The following ST18 variants were observed in gnomAD, a reference collection of about 807,000 sequenced individuals.
The protein encoded by ST18 is ST18 C2H2C-type zinc finger transcription factor, also known as suppression of tumorigenicity 18 protein.
In ST18, 50 loss-of-function variants were observed where a neutral mutation model predicts 110.0. The observed-to-expected ratio is 0.45, with a 90% confidence interval of 0.36 to 0.58. The LOEUF (loss-of-function observed/expected upper bound fraction) is 0.58. Among genes scored for constraint, ST18 ranks in the 20% least tolerant of loss-of-function variants. The pLI, the probability that ST18 is intolerant of heterozygous loss-of-function variation, is 0.00. For synonymous variants in ST18, 461 were observed against 452.4 expected (o/e 1.02, Z -0.24); for missense variants, 1,306 against 1,280.1 (o/e 1.02, Z -0.31).
chr8:52,298,448 C>G (rs1159835267), intron 2 of ST18, among the ~76,000 whole-genome samples: 1 of 152,156 alleles, frequency 6.6e-6, no homozygotes, highest in East Asian at 1.9e-4. Flanking sequence ...CAATTAGCAT[C>G]AACCTAATTA....
chr8:52,324,511 G>A (rs1805424346), intron 2 of ST18, among the ~76,000 whole-genome samples: 1 of 152,116 alleles, frequency 6.6e-6, no homozygotes, highest in African/African-American at 2.4e-5. Context: ...AAAAAGACAA[G>A]GCTCTCCAGG....
intron 2 of ST18, among the ~76,000 whole-genome samples, chr8:52,238,270 T>A (rs1336197094): frequency 6.6e-6 from 1 of 152,050 alleles, no homozygotes; most frequent in African/African-American, 2.4e-5. Context: ...CAAATATTCG[T>A]AACAGCATTA....
chr8:52,202,248 C>T (rs1274592797), intron 8 of ST18, among the ~76,000 whole-genome samples: 2 of 152,156 alleles, frequency 1.3e-5, no homozygotes, highest in Non-Finnish European at 2.9e-5. Context: ...ATGCCTTTAT[C>T]ATGCATTACA....
In ST18 at chr8:52,268,510, T is replaced by TCTATCTAA. The variant is rs1554799006; in HGVS notation, c.-464-38434_-464-38433insTTAGATAG. Reference sequence around the variant, plus strand: ...ATCTATCTATCTATCTATCTATCTATTTATCTATCTATCTTACTATCTATC... The same window carrying TCTATCTAA: ...ATCTATCTATCTATCTATCTATCTATCTATCTAATTATCTATCTATCTTACTATCTATC... On this transcript the variant is annotated intron_variant, in intron 2 of 25. Coordinates refer to ENST00000689386, the MANE Select transcript of ST18 (RefSeq NM_001352837.2). Among the ~76,000 whole-genome samples, 19 of 106,460 alleles carry TCTATCTAA rather than the reference T, an allele frequency of 1.8e-4. No individual in the cohort carries two copies. In the East Asian group the frequency reaches 4.7e-3, roughly 26 times the overall value. 69.8% of individuals were successfully genotyped at this position (106,460 alleles called of 152,430 possible). A position where few individuals can be genotyped will look rare whatever the true frequency, so the allele number is the denominator to read the frequency against.
chr8:52,126,327 G>T (rs2361171), intron 22 of ST18, among the ~76,000 whole-genome samples, 187 bp from the exon 23 acceptor site: 44,357 of 152,136 alleles, frequency 0.29, 9,180 homozygotes, highest in African/African-American at 0.59. Context: ...CTCAAATAAT[G>T]TAAAATGTTT....
intron 2 of ST18, among the ~76,000 whole-genome samples, chr8:52,251,188 T>G (rs2094286209): frequency 6.6e-6 from 1 of 152,108 alleles, no homozygotes; most frequent in Admixed American, 6.6e-5. Context: ...GAAAATAAAA[T>G]AAGTGTTTTT....
chr8:52,144,256 A>T (rs1284643969), intron 16 of ST18, among the ~76,000 whole-genome samples: 2 of 151,438 alleles, frequency 1.3e-5, no homozygotes, highest in South Asian at 2.1e-4. Flanking sequence ...ATGAACTAAT[A>T]AAAAAAACTG....
chr8:52,144,412 A>G (rs1287296432), intron 16 of ST18, among the ~76,000 whole-genome samples: 1 of 152,130 alleles, frequency 6.6e-6, no homozygotes, highest in Non-Finnish European at 1.5e-5. Flanking sequence ...CAAAAGCAAT[A>G]TGAAAAAAAC....
At position 52,315,632 on chromosome 8, in the gene ST18, T is replaced by A. The variant is rs531803426; in HGVS notation, c.-464-85555A>T. Among the ~76,000 whole-genome samples the A allele has an allele frequency of 2.0e-4, 31 of 152,304 alleles. No homozygotes were observed. In the South Asian group the frequency reaches 6.4e-3, roughly 32 times the overall value. ...CATTAGAGGAGGAAGCTTCTAACCT[T>A]TTACCTCCTTTGTTCCTGATACCAA... On this transcript the variant is annotated intron_variant, in intron 2 of 25. Transcript: ENST00000689386.
At chr8:52,215,650 C>A (rs1410126274) in intron 6 of ST18, among the ~76,000 whole-genome samples, 1 of 152,212 alleles carries the variant, frequency 6.6e-6, no homozygotes, top group African/African-American at 2.4e-5. Context: ...ATAAAATGGT[C>A]CATTGTTATG....
At chr8:52,120,573 C>A (rs1202129698) in intron 23 of ST18, among the ~76,000 whole-genome samples, 1 of 152,036 alleles carries the variant, frequency 6.6e-6, no homozygotes, top group Non-Finnish European at 1.5e-5. Context: ...AGCCCAGAGC[C>A]CAGGCTGGGA....
At chr8:52,338,347 C>T (rs535999446) in intron 2 of ST18, among the ~76,000 whole-genome samples, 5 of 152,204 alleles carry the variant, frequency 3.3e-5, no homozygotes, top group South Asian at 2.1e-4. Context: ...CATGAGCCAC[C>T]GTGCCCGGCC....
chr8:52,141,274 A>C (rs548328217), intron 17 of ST18, among the ~76,000 whole-genome samples: 138 of 152,328 alleles, frequency 9.1e-4, no homozygotes, highest in African/African-American at 3.0e-3. Flanking sequence ...TACTATGTGC[A>C]AGGCCCTGTT....
chr8:52,317,461 C>G (rs868257854), intron 2 of ST18, among the ~76,000 whole-genome samples: 2 of 152,332 alleles, frequency 1.3e-5, no homozygotes, highest in Middle Eastern at 3.4e-3. Context: ...CTGCCAACAC[C>G]TTGATTTCAG....
At chr8:52,298,560 C>T (rs1046600184) in intron 2 of ST18, among the ~76,000 whole-genome samples, 2 of 152,020 alleles carry the variant, frequency 1.3e-5, no homozygotes, top group Non-Finnish European at 2.9e-5. Context: ...TTTCCTTTTT[C>T]CAAACCATGT....
intron 2 of ST18, among the ~76,000 whole-genome samples, chr8:52,276,082 AAGC>A (rs1231190980): frequency 2.1e-5 from 3 of 143,176 alleles, no homozygotes; most frequent in Non-Finnish European, 3.0e-5. Flanking sequence ...TCACACATGT[AAGC>A]CACACACCAC....
At chr8:52,358,101 A>G (rs1246288188) in intron 2 of ST18, among the ~76,000 whole-genome samples, 12 of 152,070 alleles carry the variant, frequency 7.9e-5, no homozygotes, top group Non-Finnish European at 5.9e-5. Flanking sequence ...CTTTTTAACC[A>G]ATCAGTGGGC....
intron 23 of ST18, among the ~76,000 whole-genome samples, chr8:52,123,852 C>T (rs1586320935): frequency 6.6e-6 from 1 of 152,178 alleles, no homozygotes; most frequent in East Asian, 1.9e-4. Context: ...GATGACTGTT[C>T]TGTATTTATC....
chr8:52,116,203 C>T (rs956718854), intron 25 of ST18, 72 bp downstream of exon 25: 2 of 1,546,398 alleles, frequency 1.3e-6, no homozygotes, highest in Admixed American at 1.8e-5. Context: ...GTCGTGGCAA[C>T]CCCGTGGGTA....
Sources: gnomAD v4.1 joint callset for allele counts (sites outside exome capture counted in the v4.1 genomes callset) on GRCh38, gnomAD v4.1.1 for gene constraint, MANE v1.5 for transcripts, NCBI Gene and HGNC (gene_info 2026-07-23, HGNC 2026-07-21) for gene names.